Variants in HEXB observed in about 807,000 individuals in gnomAD.
HEXB encodes beta-hexosaminidase subunit beta.
Under a neutral mutation model 71.2 loss-of-function variants are expected in HEXB, and 51 were observed. That is an observed-to-expected ratio of 0.72 (90% confidence interval 0.57 to 0.90). The LOEUF is 0.90. HEXB is among the 40% of genes least tolerant of loss of function. The probability of loss-of-function intolerance (pLI) is 0.00; values close to 1 mark genes in which losing one functional copy is unlikely to be tolerated. For synonymous variants in HEXB, 266 were observed against 249.3 expected (o/e 1.07, Z -0.63); for missense variants, 617 against 677.0 (o/e 0.91, Z 0.98).
chr5:74,642,289 G>T (rs1045785514), intron 1 of HEXB, among the ~76,000 whole-genome samples: 3 of 152,004 alleles, frequency 2.0e-5, no homozygotes, highest in African/African-American at 4.8e-5. Flanking sequence ...CAGAGTCTCG[G>T]CTTGAGGCTG....
upstream of HEXB, among the ~76,000 whole-genome samples, chr5:74,682,282 C>A (rs1465405081): frequency 1.3e-5 from 2 of 152,188 alleles, no homozygotes; most frequent in Non-Finnish European, 2.9e-5. Context: ...GGCGTGAACC[C>A]GGGAGGCGGA....
At position 74,710,860 on chromosome 5, in the gene HEXB, C is replaced by G. The variant is rs1249090840; in HGVS notation, c.772-2646C>G. ...ATATCATGAAAATGGCCATACTGCC[C>G]AAGGTAATTTATAGATTCAATGCCA... On this transcript the variant is annotated intron_variant, in intron 6 of 13. Transcript: ENST00000261416. 4.5e-3 allele frequency among the ~76,000 whole-genome samples: 682 copies of G among 152,120 alleles called. 3 individuals carry two copies. The highest frequency in any genetic ancestry group is 0.015 in the African/African-American group (642 of 41,484).
rs868839713 is a variant in HEXB at position 74,677,032 on chromosome 5, G to A, written c.-376-12296G>A. On this transcript the variant is annotated intron_variant, in intron 1 of 13. Coordinates refer to the HEXB transcript ENST00000511181. ...CTCCCGAGTAACTGGGATTACAGGC[G>A]CCCGCCACCACACCCCATTAATTTT... is the stretch of plus-strand genomic sequence containing the variant. 1.1e-4 allele frequency among the ~76,000 whole-genome samples: 17 copies of A among 151,838 alleles called. No individual in the cohort carries two copies. In the Middle Eastern group the frequency reaches 0.02, roughly 182 times the overall value.
chr5:74,720,393 G>C lies in HEXB; in HGVS notation c.1418-35G>C, dbSNP rs374249013. 5.7e-6 allele frequency: 8 copies of C among 1,414,384 alleles called. No homozygotes were observed. The African/African-American group carries it at 8.5e-5, about 15-fold the overall frequency. The allele number at this position is 1,414,384 out of a possible 1,614,324, so 87.6% of individuals were successfully genotyped here. ...AATATTGCCTCTGTGTATAAGCTTT[G>C]AACTTCTGAACTTAATTCAATGATT... On this transcript the variant is annotated intron_variant, in intron 11 of 13. Coordinates refer to ENST00000261416, the MANE Select transcript of HEXB (RefSeq NM_000521.4).
At chr5:74,667,700 G>A (rs969536728) in intron 1 of HEXB, among the ~76,000 whole-genome samples, 1 of 152,200 alleles carries the variant, frequency 6.6e-6, no homozygotes, top group Non-Finnish European at 1.5e-5. Context: ...GGCTGGTACA[G>A]TCTTTGTAGT....
chr5:74,685,045 CGAG>C, upstream of HEXB: 2 of 537,718 alleles, frequency 3.7e-6, no homozygotes, highest in Non-Finnish European at 6.4e-6. Flanking sequence ...TGCTCCTACC[CGAG>C]GGCACCCCTG....
chr5:74,669,991 TC>T (rs1748502441), intron 1 of HEXB, among the ~76,000 whole-genome samples: 1 of 152,092 alleles, frequency 6.6e-6, no homozygotes, highest in Admixed American at 6.5e-5. Flanking sequence ...GGCAGACCAA[TC>T]CTAGGCAGAC....
chr5:74,719,677 C>CT (rs1749770065), intron 11 of HEXB, among the ~76,000 whole-genome samples: 1 of 152,176 alleles, frequency 6.6e-6, no homozygotes, highest in East Asian at 1.9e-4. Context: ...GGCACGGTGG[C>CT]TGACGCCTGT....
intron 9 of HEXB, 128 bp from the exon 10 acceptor site, chr5:74,718,163 C>T: frequency 1.4e-6 from 1 of 709,220 alleles, no homozygotes; most frequent in South Asian, 1.6e-5. Context: ...GCTGCTTCTG[C>T]TATAAAGCTG....
intron 1 of HEXB, among the ~76,000 whole-genome samples, chr5:74,674,427 C>T (rs1748593774): frequency 6.6e-6 from 1 of 151,942 alleles, no homozygotes; most frequent in African/African-American, 2.4e-5. Flanking sequence ...CATGGTGAAA[C>T]CCCGTCTCTA....
At position 74,720,409 on chromosome 5, in the gene HEXB, T is replaced by A; in HGVS notation, c.1418-19T>A. On this transcript the variant is annotated intron_variant, in intron 11 of 13. Transcript: ENST00000261416. Reference sequence around the variant, plus strand: ...ATAAGCTTTGAACTTCTGAACTTAATTCAATGATTTTAATTTAGGTACTCA... The same window carrying A: ...ATAAGCTTTGAACTTCTGAACTTAAATCAATGATTTTAATTTAGGTACTCA... 6.5e-7 allele frequency: 1 copy of A among 1,528,152 alleles called. No homozygotes were observed. Among genetic ancestry groups the A allele is most frequent in the Non-Finnish European group, 9.1e-7 (1 of 1,101,642 alleles). The allele number at this position is 1,528,152 out of a possible 1,614,324, so 94.7% of individuals were successfully genotyped here. A position where few individuals can be genotyped will look rare whatever the true frequency, so the allele number is the denominator to read the frequency against.
At chr5:74,697,483 T>C (rs111456757) in intron 5 of HEXB, among the ~76,000 whole-genome samples, 256 of 152,236 alleles carry the variant, frequency 1.7e-3, no homozygotes, top group African/African-American at 5.4e-3. Context: ...CCCAACACTT[T>C]GGGAGGCTGA....
At chr5:74,690,284 A>G (rs1243572417) in intron 2 of HEXB, among the ~76,000 whole-genome samples, 3 of 152,180 alleles carry the variant, frequency 2.0e-5, no homozygotes, top group Non-Finnish European at 4.4e-5. Flanking sequence ...GCACCAAGGA[A>G]TCAAAGAAGG....
At chr5:74,642,242 C>T (rs1747911577) in intron 1 of HEXB, among the ~76,000 whole-genome samples, 1 of 152,128 alleles carries the variant, frequency 6.6e-6, no homozygotes, top group African/African-American at 2.4e-5. Context: ...ACTCGGCAGC[C>T]TCACCACGAA....
upstream of HEXB, chr5:74,685,225 G>T (rs1416777228): frequency 2.0e-6 from 3 of 1,477,332 alleles, no homozygotes; most frequent in South Asian, 1.3e-5. Flanking sequence ...CCGAGGCTCC[G>T]GCTCGGCAGA....
chr5:74,658,354 TG>T (rs1748257450), intron 1 of HEXB, among the ~76,000 whole-genome samples: 1 of 152,336 alleles, frequency 6.6e-6, no homozygotes, highest in Admixed American at 6.5e-5. Context: ...GCATTCTGCA[TG>T]GTAAAGAATT....
rs1239674592 is a variant in HEXB, at chr5:74,652,578, A to G, written c.-377+12020A>G. On this transcript the variant is annotated intron_variant, in intron 1 of 13. Coordinates refer to the HEXB transcript ENST00000511181. The surrounding 1 kb of genome is among the most constrained non-coding windows in gnomAD (Gnocchi z 5.4). Reference sequence around the variant, plus strand: ...TGTAACTTAATTTTTCTAGAACAGAACTTTTTACCATAAGACCCTAATCTG... The same window carrying G: ...TGTAACTTAATTTTTCTAGAACAGAGCTTTTTACCATAAGACCCTAATCTG... 6.6e-6 allele frequency among the ~76,000 whole-genome samples: 1 copy of G among 152,148 alleles called. No individual in the cohort carries two copies. The highest frequency in any genetic ancestry group is 1.9e-4 in the East Asian group (1 of 5,198).
At chr5:74,684,353 C>A (rs576862418), upstream of HEXB, among the ~76,000 whole-genome samples, 1 of 152,310 alleles carries the variant, frequency 6.6e-6, no homozygotes, top group South Asian at 2.1e-4. Flanking sequence ...ATATCGGGAC[C>A]CACACAGATG....
intron 1 of HEXB, among the ~76,000 whole-genome samples, chr5:74,655,624 C>T (rs924004497): frequency 3.3e-5 from 5 of 152,108 alleles, no homozygotes; most frequent in South Asian, 2.1e-4. Context: ...CATGAGCCAC[C>T]GCTCCTGGCC....
Sources: gnomAD v4.1 joint callset for allele counts (sites outside exome capture counted in the v4.1 genomes callset) on GRCh38, gnomAD v4.1.1 for gene constraint, Gnocchi (gnomAD v3.1) non-coding constraint, MANE v1.5 for transcripts, NCBI Gene and HGNC (gene_info 2026-07-23, HGNC 2026-07-21) for gene names.